Variants in HHIPL1 observed in about 807,000 individuals in gnomAD.
The protein encoded by HHIPL1 is HHIP-like protein 1.
Under a neutral mutation model 61.8 loss-of-function variants are expected in HHIPL1, and 43 were observed. The observed-to-expected ratio is 0.70, with a 90% CI of 0.55 to 0.90. HHIPL1 has a LOEUF of 0.90. Among genes scored for constraint, HHIPL1 ranks in the 40% least tolerant of loss-of-function variants. HHIPL1 has a pLI of 0.00. For synonymous variants in HHIPL1, 482 were observed against 515.8 expected, an observed-to-expected ratio of 0.93 and a Z score of 0.89; for missense variants, 1,056 against 1,157.7, an observed-to-expected ratio of 0.91 and a Z score of 1.28.
the HHIPL1 span, among the ~76,000 whole-genome samples, chr14:99,610,001 C>G: frequency 2.0e-5 from 3 of 151,658 alleles, no homozygotes; most frequent in African/African-American, 7.2e-5. Flanking sequence ...TGAGGCCAGG[C>G]AGGCCAGAGC....
intron 3 of HHIPL1, 145 bp downstream of exon 3, chr14:99,657,288 T>G (rs2056064838): frequency 4.2e-6 from 4 of 951,610 alleles, no homozygotes; most frequent in South Asian, 1.5e-5. Context: ...TGCAGCTAGC[T>G]GGGCAGCCTA....
chr14:99,668,204 A>G lies in HHIPL1; in HGVS notation c.1649-18A>G, dbSNP rs1162897795. 1.9e-6 allele frequency: 3 copies of G among 1,540,784 alleles called. No individual in the cohort carries two copies. Among genetic ancestry groups the G allele is most frequent in the Non-Finnish European group, 2.7e-6 (3 of 1,113,394 alleles). ...ATTCCAGGTGGGGGTCTCACTAGTC[A>G]CTTTGTTCTGTCCAAAGGGGAGCTG... is the stretch of plus-strand genomic sequence containing the variant. On this transcript the variant is annotated intron_variant, in intron 6 of 8. Transcript: ENST00000330710. This position sits in a 1 kb window ranked among gnomAD's most constrained non-coding sequence, Gnocchi z 4.7.
chr14:99,637,000 G>GAAAGAAAGAAAGA, the HHIPL1 span, among the ~76,000 whole-genome samples: 2 of 77,006 alleles, frequency 2.6e-5, no homozygotes, highest in Non-Finnish European at 4.7e-5. Context: ...AAGAAAGAAA[G>GAAAGAAAGAAAGA]AAGAAAGAAA....
intron 3 of HHIPL1, among the ~76,000 whole-genome samples, 195 bp from the exon 4 acceptor site, chr14:99,659,233 A>G (rs777877606): frequency 2.0e-5 from 3 of 152,206 alleles, no homozygotes; most frequent in Non-Finnish European, 2.9e-5. Context: ...TGGGGGATGC[A>G]TGTTGAGTGA....
chr14:99,674,671 C>T lies in HHIPL1; in HGVS notation c.1814-420C>T, dbSNP rs185171516. Among the ~76,000 whole-genome samples the T allele has an allele frequency of 4.7e-3, 708 of 152,250 alleles. 5 individuals are homozygous for T. The highest frequency in any genetic ancestry group is 0.016 in the African/African-American group (671 of 41,550). ...CACAACCAAGGCCTGGAAGATGAAA[C>T]GGTGACTTTCTCTTAGAAGCCTTCC... On this transcript the variant is annotated intron_variant, in intron 8 of 8. Coordinates refer to ENST00000330710, the MANE Select transcript of HHIPL1 (RefSeq NM_001127258.3).
the HHIPL1 span, among the ~76,000 whole-genome samples, chr14:99,616,751 A>G: frequency 6.6e-6 from 1 of 152,066 alleles, no homozygotes; most frequent in Admixed American, 6.6e-5. Context: ...CTATTATTGG[A>G]CCTCTCCTTG....
At chr14:99,619,754 G>A in the HHIPL1 span, among the ~76,000 whole-genome samples, 4 of 150,004 alleles carry the variant, frequency 2.7e-5, no homozygotes, top group Non-Finnish European at 5.9e-5. Flanking sequence ...TCACAGCCAG[G>A]TGATATTTAG....
chr14:99,637,035 GAAA>G, the HHIPL1 span, among the ~76,000 whole-genome samples: 1 of 100,966 alleles, frequency 9.9e-6, no homozygotes. Context: ...AAGAAAGAAA[GAAA>G]GAAAGAAAGA....
At chr14:99,638,877 C>T in the HHIPL1 span, among the ~76,000 whole-genome samples, 5 of 152,226 alleles carry the variant, frequency 3.3e-5, no homozygotes, top group Non-Finnish European at 7.3e-5. Context: ...CACATCCCAC[C>T]GCCACACAAG....
intron 5 of HHIPL1, 101 bp from the exon 6 acceptor site, chr14:99,662,775 A>C: frequency 9.3e-7 from 1 of 1,080,588 alleles, no homozygotes; most frequent in Non-Finnish European, 1.3e-6. Flanking sequence ...GAAGGGAGGG[A>C]GGAATGGATA....
In HHIPL1 at chr14:99,659,489, T is replaced by C; in HGVS notation, c.1108T>C (p.Tyr370His). ...DVDRKERGLP[Y>H]GIPPDNPFVG... ...GGACCGTAAGGAGCGCGGCCTGCCC[T>C]ACGGCATCCCGCCCGACAACCCGTT... Residue 370 changes from tyrosine to histidine, a missense_variant, in exon 4 of 9, where the codon TAC (tyrosine) becomes CAC (histidine). Physicochemically the swap from Tyr to His is moderately conservative, Grantham distance 83. Transcript: ENST00000330710. The C allele has an allele frequency of 6.5e-7, 1 of 1,538,846 alleles. No homozygotes were observed. The highest frequency in any genetic ancestry group is 8.7e-7 in the Non-Finnish European group (1 of 1,147,392).
chr14:99,637,201 G>GAAGAAAGAAAGAAAGA, the HHIPL1 span, among the ~76,000 whole-genome samples: 148 of 87,300 alleles, frequency 1.7e-3, 4 homozygotes, highest in African/African-American at 1.8e-3. Context: ...AGAAAGAAAG[G>GAAGAAAGAAAGAAAGA]AAGAAAGAAA....
chr14:99,640,347 C>T (rs1408947292), upstream of HHIPL1, among the ~76,000 whole-genome samples: 1 of 152,158 alleles, frequency 6.6e-6, no homozygotes, highest in Non-Finnish European at 1.5e-5. Flanking sequence ...TGCAGTGGCA[C>T]AGTCTTGTCT....
intron 6 of HHIPL1, among the ~76,000 whole-genome samples, chr14:99,666,995 T>A (rs2056256342): frequency 6.6e-6 from 1 of 152,216 alleles, no homozygotes; most frequent in Non-Finnish European, 1.5e-5. Flanking sequence ...CCCACCCCCA[T>A]GCAGCCCTCC....
chr14:99,640,409 C>G (rs1027017509), upstream of HHIPL1, among the ~76,000 whole-genome samples: 2 of 152,074 alleles, frequency 1.3e-5, no homozygotes, highest in African/African-American at 4.8e-5. Flanking sequence ...CTCAGCCTCC[C>G]AAGTAGCTGG....
At chr14:99,605,287 C>T in the HHIPL1 span, among the ~76,000 whole-genome samples, 1 of 151,634 alleles carries the variant, frequency 6.6e-6, no homozygotes, top group South Asian at 2.1e-4. Flanking sequence ...CCTCGCGGGA[C>T]CCCCGGGCTT....
At chr14:99,629,369 G>A in the HHIPL1 span, among the ~76,000 whole-genome samples, 1 of 152,216 alleles carries the variant, frequency 6.6e-6, no homozygotes, top group Non-Finnish European at 1.5e-5. Context: ...GCTGGCACAG[G>A]CATGGGCTCT....
At chr14:99,646,611 C>CA (rs2055837593) in intron 1 of HHIPL1, among the ~76,000 whole-genome samples, 1 of 151,934 alleles carries the variant, frequency 6.6e-6, no homozygotes, top group Non-Finnish European at 1.5e-5. Context: ...TCCATCTCTA[C>CA]AAAAATACAA....
rs1228368076 is a variant in HHIPL1, at chr14:99,679,186, C to T, written c.*3560C>T. 1 of 152,256 alleles carries T rather than the reference C, an allele frequency of 6.6e-6. No individual in the cohort carries two copies. Among genetic ancestry groups the T allele is most frequent in the Non-Finnish European group, 1.5e-5 (1 of 68,074 alleles). 9.4% of individuals were successfully genotyped at this position (152,256 alleles called of 1,614,324 possible). On this transcript the variant is annotated 3_prime_UTR_variant, in exon 9 of 9. Transcript: ENST00000330710. ...CCTCAAGGGCATTGAAAGCCAGCCC[C>T]ACCCCACTGGGACACAAGTTCAGAG...
Sources: gnomAD v4.1 joint callset for allele counts (sites outside exome capture counted in the v4.1 genomes callset) on GRCh38, gnomAD v4.1.1 for gene constraint, Gnocchi (gnomAD v3.1) non-coding constraint, MANE v1.5 for transcripts, NCBI Gene and HGNC (gene_info 2026-07-23, HGNC 2026-07-21) for gene names.